ANO3: variants seen among roughly 807,000 people sequenced by gnomAD.
ANO3 encodes the protein anoctamin-3.
Under a neutral mutation model 144.8 loss-of-function variants are expected in ANO3, and 99 were observed. The observed-to-expected ratio is 0.68, with a 90% CI of 0.58 to 0.81. ANO3 has a LOEUF of 0.81. Ranked by LOEUF, ANO3 falls within the 30% of genes least tolerant of loss-of-function variation. The pLI, the probability that ANO3 is intolerant of heterozygous loss-of-function variation, is 0.00. For synonymous variants in ANO3, 414 were observed against 392.6 expected (o/e 1.05, Z -0.64); for missense variants, 905 against 1,202.2 (o/e 0.75, Z 3.66).
intron 17 of ANO3, among the ~76,000 whole-genome samples, chr11:26,623,423 T>G (rs1374013636): frequency 6.6e-6 from 1 of 152,222 alleles, no homozygotes; most frequent in Non-Finnish European, 1.5e-5. Flanking sequence ...CACAAGTACT[T>G]CTGTCTATAG....
chr11:26,216,707 G>T (rs1852041635), intron 1 of ANO3, among the ~76,000 whole-genome samples: 1 of 152,002 alleles, frequency 6.6e-6, no homozygotes, highest in Non-Finnish European at 1.5e-5. Flanking sequence ...GTATTTCAAA[G>T]TGGTTGTTCC....
chr11:26,603,528 T>TA (rs551651505), intron 17 of ANO3, among the ~76,000 whole-genome samples: 363 of 151,716 alleles, frequency 2.4e-3, no homozygotes, highest in African/African-American at 8.2e-3. Context: ...TAACCAAAAA[T>TA]AAAAAAAAGT....
chr11:26,600,993 G>T (rs777716641), intron 17 of ANO3, among the ~76,000 whole-genome samples: 22 of 152,048 alleles, frequency 1.4e-4, no homozygotes, highest in Non-Finnish European at 2.9e-4. Context: ...CTATCAATGG[G>T]AACCAATTTC....
chr11:26,537,595 TC>T, intron 10 of ANO3, 134 bp downstream of exon 10: 1 of 758,112 alleles, frequency 1.3e-6, no homozygotes, highest in Non-Finnish European at 2.3e-6. Flanking sequence ...GCCTTCTGTC[TC>T]CCCATTGTAA....
At chr11:26,432,557 C>A (rs1858151455) in intron 1 of ANO3, among the ~76,000 whole-genome samples, 1 of 152,180 alleles carries the variant, frequency 6.6e-6, no homozygotes, top group South Asian at 2.1e-4. Flanking sequence ...AGTTTTTAAT[C>A]CATCTTGAGT....
chr11:26,636,853 G>A (rs754561383), intron 20 of ANO3, among the ~76,000 whole-genome samples: 1 of 152,214 alleles, frequency 6.6e-6, no homozygotes, highest in Non-Finnish European at 1.5e-5. Flanking sequence ...AGGAACCTGG[G>A]TATTGGAGTC....
At chr11:26,430,894 T>A (rs1294900748) in intron 1 of ANO3, among the ~76,000 whole-genome samples, 2 of 152,170 alleles carry the variant, frequency 1.3e-5, no homozygotes, top group African/African-American at 4.8e-5. Context: ...TTTCAAGGAA[T>A]TGCACCCACA....
At chr11:26,307,346 C>A (rs1483450455), upstream of ANO3, among the ~76,000 whole-genome samples, 2 of 151,818 alleles carry the variant, frequency 1.3e-5, no homozygotes, top group Non-Finnish European at 2.9e-5. Context: ...AAGAGCAAAA[C>A]TCTGTCTCAA....
At chr11:26,403,263 GCTCT>G (rs986861071) in intron 1 of ANO3, among the ~76,000 whole-genome samples, 1 of 151,712 alleles carries the variant, frequency 6.6e-6, no homozygotes, top group African/African-American at 2.4e-5. Context: ...ATAATGCCTG[GCTCT>G]CTCTCTTTTA....
At chr11:26,332,409 C>T in intron 1 of ANO3, 88 bp downstream of exon 1, 2 of 1,253,988 alleles carry the variant, frequency 1.6e-6, no homozygotes, top group South Asian at 1.2e-5. Context: ...CCTTTGCAGG[C>T]TTATGCGACA....
chr11:26,466,146 A>G (rs1230758194), intron 4 of ANO3, among the ~76,000 whole-genome samples: 1 of 151,806 alleles, frequency 6.6e-6, no homozygotes, highest in Non-Finnish European at 1.5e-5. Flanking sequence ...TATGGCAAAC[A>G]GTAAATAGCT....
chr11:26,542,030 G>A lies in ANO3; in HGVS notation c.1116G>A (p.Trp372Ter). Reference protein sequence around the residue: ...RHLLYERWARWGMWYKHQPLD... With the variant: ...RHLLYERWAR ...TATTATATGAGCGCTGGGCACGCTG[G>A]GGAATGTGGTATAAGCATCAGCCTC... The change falls in exon 11 of 27, where the codon TGG (tryptophan) becomes TGA (stop). Residue 372 changes from tryptophan (W) to a stop codon, truncating the protein, a stop_gained. Coordinates refer to ENST00000256737, the MANE Select transcript of ANO3 (RefSeq NM_031418.4). LOFTEE classifies it high-confidence loss of function. 2 of 1,612,612 alleles carry A rather than the reference G, an allele frequency of 1.2e-6. No individual in the cohort carries two copies. Among genetic ancestry groups the A allele is most frequent in the Non-Finnish European group, 1.7e-6 (2 of 1,179,096 alleles).
intron 1 of ANO3, among the ~76,000 whole-genome samples, chr11:26,208,954 A>G (rs920711218): frequency 6.6e-6 from 1 of 152,194 alleles, no homozygotes; most frequent in African/African-American, 2.4e-5. Context: ...CTGTAAATGA[A>G]AAAGCTAACT....
At chr11:26,293,776 C>T (rs1474086780) in intron 1 of ANO3, among the ~76,000 whole-genome samples, 1 of 151,772 alleles carries the variant, frequency 6.6e-6, no homozygotes, top group Non-Finnish European at 1.5e-5. Context: ...TGGGCATCTA[C>T]TTACATGTCC....
chr11:26,375,333 G>A (rs770612045), intron 1 of ANO3, among the ~76,000 whole-genome samples: 8 of 152,170 alleles, frequency 5.3e-5, no homozygotes, highest in Middle Eastern at 6.8e-3. Context: ...TCTGCTGCCC[G>A]GTTCCTAACA....
At chr11:26,439,664 G>A (rs1487787715) in intron 1 of ANO3, among the ~76,000 whole-genome samples, 1 of 152,184 alleles carries the variant, frequency 6.6e-6, no homozygotes, top group Non-Finnish European at 1.5e-5. Flanking sequence ...ACTCCGAAAA[G>A]TCTGGGATAG....
intron 4 of ANO3, chr11:26,474,217 A>T: frequency 2.0e-6 from 1 of 495,454 alleles, no homozygotes; most frequent in Non-Finnish European, 2.6e-6. Context: ...AGAGAAATTA[A>T]TATTGATTTC....
intron 1 of ANO3, among the ~76,000 whole-genome samples, chr11:26,441,547 A>T (rs957341817): frequency 6.6e-6 from 1 of 152,186 alleles, no homozygotes; most frequent in Non-Finnish European, 1.5e-5. Context: ...TTCAATGGTT[A>T]TATATTAGGT....
intron 4 of ANO3, among the ~76,000 whole-genome samples, chr11:26,479,762 C>G (rs772244354): frequency 1.3e-5 from 2 of 152,022 alleles, no homozygotes; most frequent in African/African-American, 4.8e-5. Context: ...TATGCACTCA[C>G]GAATACAGTT....
Sources: gnomAD v4.1 joint callset for allele counts (sites outside exome capture counted in the v4.1 genomes callset) on GRCh38, gnomAD v4.1.1 for gene constraint, MANE v1.5 for transcripts, NCBI Gene and HGNC (gene_info 2026-07-23, HGNC 2026-07-21) for gene names.